The following ERI1 variants were observed in gnomAD, a reference collection of about 807,000 sequenced individuals.
ERI1 encodes the protein 3'-5' exoribonuclease 1.
In ERI1, 39 loss-of-function variants were observed where a neutral mutation model predicts 39.7. That is an observed-to-expected ratio of 0.98 (90% confidence interval 0.76 to 1.28). ERI1 has a LOEUF of 1.28. Ranked by LOEUF, ERI1 falls within the 50% of genes most tolerant of loss-of-function variation. The probability of loss-of-function intolerance (pLI) is 0.00; values close to 1 mark genes in which losing one functional copy is unlikely to be tolerated. For synonymous variants in ERI1, 204 were observed against 149.6 expected (o/e 1.36, Z -2.65); for missense variants, 581 against 416.9 (o/e 1.39, Z -3.43).
At chr8:9,021,696 T>C (rs1817909402) in intron 6 of ERI1, among the ~76,000 whole-genome samples, 1 of 151,918 alleles carries the variant, frequency 6.6e-6, no homozygotes, top group Non-Finnish European at 1.5e-5. Flanking sequence ...TAAATGTATA[T>C]CCTTATATTA....
At chr8:9,020,489 A>G in intron 6 of ERI1, 25 bp downstream of exon 6, 1 of 1,377,260 alleles carries the variant, frequency 7.3e-7, no homozygotes, top group Non-Finnish European at 1.0e-6. Flanking sequence ...TTTAATAATT[A>G]CGTGGTTCTT....
chr8:9,056,726 T>G (rs1341604765), intron 3 of ERI1, among the ~76,000 whole-genome samples: 1 of 152,236 alleles, frequency 6.6e-6, no homozygotes, highest in Non-Finnish European at 1.5e-5. Flanking sequence ...GGAAAATTGT[T>G]GTATTGATTT....
At chr8:9,013,310 C>T (rs1352852007) in intron 3 of ERI1, among the ~76,000 whole-genome samples, 8 of 144,284 alleles carry the variant, frequency 5.5e-5, no homozygotes, top group East Asian at 2.0e-4. Flanking sequence ...CCACCATGCC[C>T]GGCCATTCTC....
intron 1 of ERI1, among the ~76,000 whole-genome samples, chr8:9,005,798 C>G (rs1360904231): frequency 6.6e-6 from 1 of 152,146 alleles, no homozygotes; most frequent in Non-Finnish European, 1.5e-5. Flanking sequence ...CCGGCCTCAA[C>G]GACAGTTTTA....
intron 3 of ERI1, among the ~76,000 whole-genome samples, chr8:9,055,301 A>G (rs1339216002): frequency 6.6e-6 from 1 of 152,128 alleles, no homozygotes; most frequent in Non-Finnish European, 1.5e-5. Flanking sequence ...TCTATTTACA[A>G]CTCCATTGAG....
Position 9,032,016 on chromosome 8 carries a change from C to T in ERI1, c.*1982C>T, listed in dbSNP as rs748880768. On this transcript the variant is annotated 3_prime_UTR_variant, in exon 7 of 7. Coordinates refer to ENST00000250263, the MANE Select transcript of ERI1 (RefSeq NM_153332.4). ...CAAGTGATTTGCCCACCTTGACCTC[C>T]TACAGACGTGAGCCACTGCGCTCAG... 13 of 152,246 alleles carry T rather than the reference C, an allele frequency of 8.5e-5. No homozygotes were observed. Among genetic ancestry groups the T allele is most frequent in the Non-Finnish European group, 1.5e-4 (10 of 68,082 alleles). The allele number at this position is 152,246 out of a possible 1,614,324, so 9.4% of individuals were successfully genotyped here.
intron 6 of ERI1, among the ~76,000 whole-genome samples, chr8:9,023,829 C>T (rs1818185817): frequency 9.5e-6 from 1 of 105,300 alleles, no homozygotes; most frequent in South Asian, 3.2e-4. Context: ...GGCGGAGTCT[C>T]ACTCTGTCTC....
At chr8:9,044,878 C>G (rs1346864225) in intron 3 of ERI1, among the ~76,000 whole-genome samples, 2 of 152,080 alleles carry the variant, frequency 1.3e-5, no homozygotes, top group African/African-American at 4.8e-5. Flanking sequence ...TAACACTGAG[C>G]CAGATTTCAC....
At chr8:9,050,354 A>G (rs1352408408) in intron 3 of ERI1, among the ~76,000 whole-genome samples, 1 of 152,116 alleles carries the variant, frequency 6.6e-6, no homozygotes, top group Non-Finnish European at 1.5e-5. Context: ...CTAAAAATAC[A>G]AAATTAGCTG....
Position 9,003,087 on chromosome 8 carries a change from G to C in ERI1, c.24G>C (p.Glu8Asp), listed in dbSNP as rs896802181. ...GCATGGAGGATCCACAGAGTAAAGA[G>C]CCTGCCGGCGAGGCCGTGGCTCTCG... MEDPQSK[E>D]PAGEAVALAL... The change falls in exon 1 of 7, where the codon GAG (glutamate) becomes GAC (aspartate). Residue 8 changes from glutamate (E) to aspartate (D), a missense_variant. Glu to Asp is a conservative substitution (Grantham distance 45, BLOSUM62 2). Coordinates refer to ENST00000250263, the MANE Select transcript of ERI1 (RefSeq NM_153332.4). The C allele has an allele frequency of 4.0e-6, 5 of 1,248,106 alleles. No individual in the cohort carries two copies. In the African/African-American group the frequency reaches 7.8e-5, roughly 19 times the overall value. The allele number at this position is 1,248,106 out of a possible 1,614,324, so 77.3% of individuals were successfully genotyped here.
chr8:9,081,353 A>C (rs77871666), intron 3 of ERI1, among the ~76,000 whole-genome samples: 21,760 of 152,240 alleles, frequency 0.14, 1,736 homozygotes, highest in Middle Eastern at 0.2. Flanking sequence ...TAGATGAAAC[A>C]AGATTGGCTG....
At chr8:9,017,193 C>T (rs760243093) in intron 4 of ERI1, among the ~76,000 whole-genome samples, 5 of 152,094 alleles carry the variant, frequency 3.3e-5, no homozygotes, top group Admixed American at 6.5e-5. Context: ...GCACACACCA[C>T]GATGATTGGC....
At chr8:9,036,545 T>C (rs1445989191), downstream of ERI1, among the ~76,000 whole-genome samples, 3 of 152,346 alleles carry the variant, frequency 2.0e-5, no homozygotes, top group African/African-American at 7.2e-5. Context: ...AAATTTAACT[T>C]TTATATGCAC....
chr8:9,009,168 G>C, intron 2 of ERI1: 1 of 441,774 alleles, frequency 2.3e-6, no homozygotes, highest in Middle Eastern at 3.4e-4. Context: ...CAACAAGCCT[G>C]TATTGAATTC....
At chr8:9,049,237 G>C (rs954704011) in intron 3 of ERI1, among the ~76,000 whole-genome samples, 1 of 147,170 alleles carries the variant, frequency 6.8e-6, no homozygotes, top group South Asian at 2.2e-4. Flanking sequence ...TCAGGAGACT[G>C]AGGCAGGAGA....
chr8:9,063,777 G>A (rs1798779974), intron 3 of ERI1, among the ~76,000 whole-genome samples: 1 of 152,148 alleles, frequency 6.6e-6, no homozygotes. Context: ...CCGTTTTCTG[G>A]CTATTTGGAA....
At chr8:9,096,467 T>C (rs1308049009) in intron 3 of ERI1, among the ~76,000 whole-genome samples, 6 of 152,064 alleles carry the variant, frequency 3.9e-5, no homozygotes, top group Non-Finnish European at 8.8e-5. Flanking sequence ...TTCTTTCCCA[T>C]GGAGGTAGTC....
chr8:9,029,688 A>C, intron 6 of ERI1, 104 bp from the exon 7 acceptor site: 3 of 1,364,420 alleles, frequency 2.2e-6, no homozygotes, highest in Non-Finnish European at 3.0e-6. Context: ...AGCTTTATTT[A>C]GCTGTTAGTG....
intron 2 of ERI1, among the ~76,000 whole-genome samples, chr8:9,008,604 A>G (rs753145060): frequency 4.2e-4 from 64 of 152,358 alleles, no homozygotes; most frequent in African/African-American, 6.3e-4. Context: ...ATAATCTACA[A>G]TGATCGTTTG....
Sources: gnomAD v4.1 joint callset for allele counts (sites outside exome capture counted in the v4.1 genomes callset) on GRCh38, gnomAD v4.1.1 for gene constraint, MANE v1.5 for transcripts, NCBI Gene and HGNC (gene_info 2026-07-23, HGNC 2026-07-21) for gene names.